SYNE1: variants seen among roughly 807,000 people sequenced by gnomAD.
The protein encoded by SYNE1 is spectrin repeat containing nuclear envelope protein 1.
In SYNE1, 616 loss-of-function variants were observed where a neutral mutation model predicts 1,111.0. That is an observed-to-expected ratio of 0.55 (90% confidence interval 0.52 to 0.59). SYNE1 has a LOEUF of 0.59. Ranked by LOEUF, SYNE1 falls within the 20% of genes least tolerant of loss-of-function variation. The pLI is 0.00. For missense variants in SYNE1, 10,006 were observed against 10,417.0 expected (o/e 0.96, Z 1.72); for synonymous variants, 3,855 against 3,825.8 (o/e 1.01, Z -0.28).
At chr6:152,502,577 A>G (rs56223924) in intron 10 of SYNE1, 56 bp downstream of exon 10, 13 of 1,337,974 alleles carry the variant, frequency 9.7e-6, no homozygotes, top group African/African-American at 1.4e-5. Flanking sequence ...ATACTCAAAA[A>G]GCTGAGTCAC....
chr6:152,225,950 T>C (rs751377091), intron 115 of SYNE1, 74 bp from the exon 116 acceptor site: 25 of 1,468,852 alleles, frequency 1.7e-5, no homozygotes, highest in Non-Finnish European at 2.1e-5. Flanking sequence ...ATTGGGCCAT[T>C]ATAGTTTCAT....
intron 25 of SYNE1, among the ~76,000 whole-genome samples, chr6:152,452,246 C>T (rs962135923): frequency 1.3e-5 from 2 of 152,046 alleles, no homozygotes; most frequent in Non-Finnish European, 2.9e-5. Flanking sequence ...ACTAAGATGA[C>T]TGATGAGAAA....
chr6:152,133,135 G>C, intron 143 of SYNE1, 141 bp downstream of exon 143: 1 of 803,558 alleles, frequency 1.2e-6, no homozygotes, highest in Non-Finnish European at 2.1e-6. Flanking sequence ...TTTTGAGACA[G>C]GACTTGTAAG....
intron 3 of SYNE1, among the ~76,000 whole-genome samples, chr6:152,596,055 GCACTTC>G (rs2099580125): frequency 8.3e-6 from 1 of 120,342 alleles, no homozygotes; most frequent in Non-Finnish European, 1.6e-5. Context: ...CTGATTCCTT[GCACTTC>G]TATCCCAAAA....
At chr6:152,127,186 G>A (rs975172304) in intron 145 of SYNE1, 2 of 152,060 alleles carry the variant, frequency 1.3e-5, no homozygotes, top group Non-Finnish European at 2.9e-5. Context: ...TTGTTTAAAG[G>A]CTTCTACCCA....
At chr6:152,465,647 C>G (rs1262270865) in intron 17 of SYNE1, among the ~76,000 whole-genome samples, 187 bp from the exon 18 acceptor site, 1 of 152,016 alleles carries the variant, frequency 6.6e-6, no homozygotes, top group East Asian at 1.9e-4. Flanking sequence ...TGTCTTTACA[C>G]TAATTAATTT....
intron 115 of SYNE1, among the ~76,000 whole-genome samples, chr6:152,230,059 G>A (rs975630692): frequency 6.6e-6 from 1 of 151,802 alleles, no homozygotes; most frequent in African/African-American, 2.4e-5. Flanking sequence ...TGGAAACAGG[G>A]TCTCACTCTG....
intron 91 of SYNE1, among the ~76,000 whole-genome samples, chr6:152,305,471 G>A (rs1562931452): frequency 6.6e-6 from 1 of 151,984 alleles, no homozygotes; most frequent in Non-Finnish European, 1.5e-5. Context: ...CACCATATTG[G>A]CCAGGCTGGT....
chr6:152,330,220 G>T lies in SYNE1; in HGVS notation c.14465C>A (p.Ala4822Glu), dbSNP rs765285280. ...AATCCCTGAGTCCTGGAGACTTCCTGCCAGGGAGTGATACATTTTGAGCTT... is the reference window on the plus strand; with the variant it reads ...AATCCCTGAGTCCTGGAGACTTCCTTCCAGGGAGTGATACATTTTGAGCTT... ...EEKLKMYHSL[A>E]GSLQDSGIVL... Residue 4822 changes from alanine to glutamate, a missense_variant, in exon 78 of 146, where the codon GCA becomes GAA. This residue lies in a region of SYNE1 where 4,955 missense variants were observed against 5,017.2 expected (regional missense o/e 0.99). Coordinates refer to ENST00000367255, the MANE Select transcript of SYNE1 (RefSeq NM_182961.4). 6.2e-7 allele frequency: 1 copy of T among 1,614,108 alleles called. No individual in the cohort carries two copies. Among genetic ancestry groups the T allele is most frequent in the Non-Finnish European group, 8.5e-7 (1 of 1,180,020 alleles).
Position 152,362,193 on chromosome 6 carries a change from T to C in SYNE1, c.10276A>G (p.Thr3426Ala), listed in dbSNP as rs1423503302. 1.2e-6 allele frequency: 2 copies of C among 1,614,212 alleles called. No individual in the cohort carries two copies. Among genetic ancestry groups the C allele is most frequent in the Non-Finnish European group, 1.7e-6 (2 of 1,180,046 alleles). The change falls in exon 64 of 146, where the codon ACA becomes GCA. Residue 3426 changes from threonine to alanine, a missense_variant. Thr to Ala is a moderately conservative substitution (Grantham distance 58, BLOSUM62 0). This residue lies in a region of SYNE1 where 4,955 missense variants were observed against 5,017.2 expected (regional missense o/e 0.99). Transcript: ENST00000367255. Reference protein sequence around the residue: ...ERQHAELRDKTTMLGKAKLLN... With the variant: ...ERQHAELRDKATMLGKAKLLN... ...ACCTTGGCTTTTCCGAGCATCGTTG[T>C]TTTATCCCGCAGCTCCGCATGCTGC... is the stretch of plus-strand genomic sequence containing the variant.
rs773593843 is a variant in SYNE1, at chr6:152,331,476, C to T, written c.13209G>A (p.Ser4403=). The T allele has an allele frequency of 2.3e-5, 37 of 1,614,084 alleles. No homozygotes were observed. The highest frequency in any genetic ancestry group is 1.6e-4 in the Middle Eastern group (1 of 6,062). ...TGACCCTGTCTGCGTCCTTTATAAGCGATTTCAGGAGCATCTGCTTGGCCT... is the reference window on the plus strand; with the variant it reads ...TGACCCTGTCTGCGTCCTTTATAAGTGATTTCAGGAGCATCTGCTTGGCCT... ...ELEAKQMLLK[S]LIKDADRVMA... Residue 4403 remains serine (S), a synonymous_variant, in exon 78 of 146, where the codon TCG becomes TCA. Coordinates refer to ENST00000367255, the MANE Select transcript of SYNE1 (RefSeq NM_182961.4).
chr6:152,200,079 C>T (rs180986953), intron 127 of SYNE1, among the ~76,000 whole-genome samples: 81 of 152,310 alleles, frequency 5.3e-4, no homozygotes, highest in African/African-American at 1.9e-3. Context: ...ACCCCCCCAA[C>T]TCGAGCATCA....
intron 64 of SYNE1, 54 bp from the exon 65 acceptor site, chr6:152,359,512 G>A (rs1284087184): frequency 3.1e-5 from 50 of 1,605,906 alleles, no homozygotes; most frequent in Middle Eastern, 1.6e-4. Context: ...TCACATCAAC[G>A]ACACTGCTAA....
At chr6:152,216,973 GAATT>G (rs998038357) in intron 121 of SYNE1, among the ~76,000 whole-genome samples, 3 of 150,410 alleles carry the variant, frequency 2.0e-5, no homozygotes, top group Non-Finnish European at 4.4e-5. Context: ...TGAGGCAGGA[GAATT>G]GCTTGAAACT....
In SYNE1 at chr6:152,264,101, C is replaced by T. The variant is rs1039899550; in HGVS notation, c.18816-1913G>A. Among the ~76,000 whole-genome samples, 39 of 144,060 alleles carry T rather than the reference C, an allele frequency of 2.7e-4. No homozygotes were observed. In the Middle Eastern group the frequency reaches 0.012, roughly 44 times the overall value. 94.5% of individuals were successfully genotyped at this position (144,060 alleles called of 152,430 possible). On this transcript the variant is annotated intron_variant, in intron 100 of 145. Transcript: ENST00000367255. ...GCGCACACCTGTTGTCCCAGCTACT[C>T]GGGAGGCTGAGGCAGGAGAATCACT... is the stretch of plus-strand genomic sequence containing the variant.
intron 87 of SYNE1, among the ~76,000 whole-genome samples, chr6:152,311,669 A>G (rs768412281): frequency 5.9e-5 from 9 of 152,226 alleles, no homozygotes; most frequent in Non-Finnish European, 1.2e-4. Context: ...AGAACAGCAT[A>G]TGCATAGGTA....
At chr6:152,470,900 C>A (rs1184856073) in intron 16 of SYNE1, among the ~76,000 whole-genome samples, 1 of 152,086 alleles carries the variant, frequency 6.6e-6, no homozygotes. Context: ...TAAGAAATAA[C>A]CTGTCTTTAG....
Position 152,330,745 on chromosome 6 carries a change from G to T in SYNE1, c.13940C>A (p.Ala4647Asp). 1 of 1,614,002 alleles carries T rather than the reference G, an allele frequency of 6.2e-7. No individual in the cohort carries two copies. Among genetic ancestry groups the T allele is most frequent in the Non-Finnish European group, 8.5e-7 (1 of 1,180,038 alleles). The change falls in exon 78 of 146, where the codon GCT becomes GAT. Residue 4647 changes from alanine to aspartate, a missense_variant. Ala to Asp is a moderately radical substitution (Grantham distance 126). Around this residue, in one of 7 missense-constraint regions of SYNE1, gnomAD observed 4,955 missense variants for 5,017.2 expected, o/e 0.99. Coordinates refer to ENST00000367255, the MANE Select transcript of SYNE1 (RefSeq NM_182961.4). ...DHSYLSEKLNALPRQFNVIVA... is the reference protein window; with the variant it reads ...DHSYLSEKLNDLPRQFNVIVA... The stretch of plus-strand genomic sequence containing the variant: ...AATTACATTAAATTGTCGAGGCAAA[G>T]CATTTAGCTTTTCACTGAGGTAGGA...
At chr6:152,367,756 C>A (rs2097105879) in intron 61 of SYNE1, 1 of 242,192 alleles carries the variant, frequency 4.1e-6, no homozygotes, top group Non-Finnish European at 8.2e-6. Context: ...TACATTGTAG[C>A]CAGAGTTCTA....
Sources: gnomAD v4.1 joint callset for allele counts (sites outside exome capture counted in the v4.1 genomes callset) on GRCh38, gnomAD v4.1.1 for gene constraint, gnomAD v4.1.1 regional missense constraint, MANE v1.5 for transcripts, NCBI Gene and HGNC (gene_info 2026-07-23, HGNC 2026-07-21) for gene names.